The following TDRD12 variants were observed in gnomAD, a reference collection of about 807,000 sequenced individuals.
TDRD12 encodes tudor domain containing 12, also known as putative ATP-dependent RNA helicase TDRD12.
TDRD12 carries 158 observed loss-of-function variants against 133.5 expected under a neutral mutation model. That is an observed-to-expected ratio of 1.18 (90% CI 1.04 to 1.35). The LOEUF (loss-of-function observed/expected upper bound fraction) is 1.35, where lower values mean the gene tolerates loss of function less well. Ranked by LOEUF, TDRD12 falls within the 40% of genes most tolerant of loss-of-function variation. The probability of loss-of-function intolerance (pLI) is 0.00; values close to 1 mark genes in which losing one functional copy is unlikely to be tolerated. For missense variants in TDRD12, 1,443 were observed against 1,321.3 expected (o/e 1.09, Z -1.43); for synonymous variants, 460 against 477.9 (o/e 0.96, Z 0.49).
chr19:32,796,499 C>T (rs1307297851), intron 14 of TDRD12, among the ~76,000 whole-genome samples: 1 of 151,790 alleles, frequency 6.6e-6, no homozygotes, highest in Non-Finnish European at 1.5e-5. Flanking sequence ...GCAGGAGAAT[C>T]GCTTGAACCT....
rs541161793 is a variant in TDRD12 at position 32,787,028 on chromosome 19, C to A, written c.1122-3503C>A. Among the ~76,000 whole-genome samples the A allele has an allele frequency of 2.1e-3, 315 of 152,280 alleles. 2 individuals are homozygous for A. The highest frequency in any genetic ancestry group is 7.3e-3 in the African/African-American group (305 of 41,540). On this transcript the variant is annotated intron_variant, in intron 11 of 27. Coordinates refer to ENST00000444215, the Ensembl canonical transcript of TDRD12. Reference sequence around the variant, plus strand: ...ACGTTCTGGTTTTTGGAATTTTCAGCCTTTTTGCTCTGGTTTCTCCCCATC... The same window carrying A: ...ACGTTCTGGTTTTTGGAATTTTCAGACTTTTTGCTCTGGTTTCTCCCCATC...
At chr19:32,782,326 A>G (rs1259502037) in intron 11 of TDRD12, among the ~76,000 whole-genome samples, 3 of 152,186 alleles carry the variant, frequency 2.0e-5, no homozygotes, top group Non-Finnish European at 4.4e-5. Flanking sequence ...ATAGTATTCC[A>G]TGGTGTATAT....
At position 32,794,565 on chromosome 19, in the gene TDRD12, G is replaced by A. The variant is rs563204734; in HGVS notation, c.1288-63G>A. The A allele has an allele frequency of 7.4e-6, 5 of 678,658 alleles. No homozygotes were observed. In the South Asian group the frequency reaches 7.9e-5, roughly 11 times the overall value. The allele number at this position is 678,658 out of a possible 1,614,324, so 42.0% of individuals were successfully genotyped here. A position where few individuals can be genotyped will look rare whatever the true frequency, so the allele number is the denominator to read the frequency against. On this transcript the variant is annotated intron_variant, in intron 13 of 27. Coordinates refer to ENST00000444215, the Ensembl canonical transcript of TDRD12. ...TGCTTTTTGGGGTGAAATGAGCCAT[G>A]CAATGGAGTTTTTGTTAGTTTTCTC...
intron 27 of TDRD12, among the ~76,000 whole-genome samples, chr19:32,820,258 C>T (rs1463314079): frequency 5.9e-5 from 9 of 152,142 alleles, no homozygotes; most frequent in Non-Finnish European, 1.0e-4. Flanking sequence ...GCACACCCCT[C>T]CTCCTCGTGT....
chr19:32,798,331 T>C (rs181375965), exon 16 of TDRD12: 116 of 1,535,564 alleles, frequency 7.6e-5, no homozygotes, highest in Admixed American at 2.0e-4. Flanking sequence ...TACGACCCCA[T>C]ACAGCCTGCT....
chr19:32,790,440 T>G, intron 11 of TDRD12, 91 bp from the exon 12 acceptor site: 1 of 1,293,602 alleles, frequency 7.7e-7, no homozygotes, highest in South Asian at 1.3e-5. Flanking sequence ...GTGCAGCCCC[T>G]GCTATCTCTG....
At chr19:32,781,234 G>A (rs959886536) in intron 11 of TDRD12, among the ~76,000 whole-genome samples, 7 of 152,212 alleles carry the variant, frequency 4.6e-5, no homozygotes, top group Non-Finnish European at 7.4e-5. Flanking sequence ...GAGCCACCGC[G>A]CTCGGCCATT....
At chr19:32,805,169 T>TATATATAA (rs1467165287) in intron 21 of TDRD12, among the ~76,000 whole-genome samples, 1 of 127,406 alleles carries the variant, frequency 7.8e-6, no homozygotes, top group Non-Finnish European at 1.6e-5. Flanking sequence ...ATGTTATATA[T>TATATATAA]TATATATATA....
At chr19:32,739,188 A>G (rs1237112357) in intron 3 of TDRD12, among the ~76,000 whole-genome samples, 196 bp downstream of exon 3, 1 of 152,154 alleles carries the variant, frequency 6.6e-6, no homozygotes, top group Non-Finnish European at 1.5e-5. Flanking sequence ...GGTGGGCAGG[A>G]TGAAGGCTGA....
In TDRD12 at chr19:32,756,135, A is replaced by AC; in HGVS notation, c.727dup (p.Leu243ProfsTer38). On this transcript the variant is annotated frameshift_variant, in exon 7 of 28. Transcript: ENST00000444215. LOFTEE classifies it high-confidence loss of function. ...TCAATAAACTCAATCCAGCACTTAC[A>AC]CTCTGGCCAATGTTTTTGCAAGGAA... 1 of 1,447,828 alleles carries AC rather than the reference A, an allele frequency of 6.9e-7. No individual in the cohort carries two copies. Among genetic ancestry groups the AC allele is most frequent in the South Asian group, 1.5e-5 (1 of 67,640 alleles). 89.7% of individuals were successfully genotyped at this position (1,447,828 alleles called of 1,614,324 possible).
rs112185043 is a variant in TDRD12 at position 32,737,657 on chromosome 19, G to A, written c.184-1199G>A. On this transcript the variant is annotated intron_variant, in intron 2 of 27. Coordinates refer to ENST00000444215, the Ensembl canonical transcript of TDRD12. ...CGATCCTCCCACCTCAGCCTCCTAA[G>A]TAGGTGAGACTACAGGCACGTACCA... Among the ~76,000 whole-genome samples the A allele has an allele frequency of 4.7e-4, 71 of 152,196 alleles. 1 individual carries two copies. Among genetic ancestry groups the A allele is most frequent in the African/African-American group, 1.7e-3 (71 of 41,514 alleles).
At chr19:32,756,850 G>A (rs990798090) in intron 7 of TDRD12, among the ~76,000 whole-genome samples, 188 bp from the exon 8 acceptor site, 3 of 152,152 alleles carry the variant, frequency 2.0e-5, no homozygotes, top group Non-Finnish European at 2.9e-5. Context: ...GCTAGTCACG[G>A]ATTGTGGAAA....
downstream of TDRD12, among the ~76,000 whole-genome samples, chr19:32,825,171 G>A (rs1568502373): frequency 6.6e-6 from 1 of 152,216 alleles, no homozygotes; most frequent in African/African-American, 2.4e-5. The surrounding 1 kb of genome is among the most constrained non-coding windows in gnomAD (Gnocchi z 4.1). Flanking sequence ...GAGGCCACTC[G>A]ATGGCAGGCG....
intron 11 of TDRD12, among the ~76,000 whole-genome samples, chr19:32,781,700 T>C (rs1970771534): frequency 6.6e-6 from 1 of 151,960 alleles, no homozygotes; most frequent in South Asian, 2.1e-4. Flanking sequence ...TCTCTCTCTC[T>C]CTCTCTCTCT....
chr19:32,721,628 C>T lies in TDRD12; in HGVS notation c.24+1532C>T, dbSNP rs547047884. On this transcript the variant is annotated intron_variant, in intron 1 of 27. Coordinates refer to ENST00000444215, the Ensembl canonical transcript of TDRD12. ...CTCCTGACCTCAGGTGATCCACCTGCCTCCGCCTCCCAAAGTGCTGGGATT... is the reference window on the plus strand; with the variant it reads ...CTCCTGACCTCAGGTGATCCACCTGTCTCCGCCTCCCAAAGTGCTGGGATT... 2.6e-5 allele frequency among the ~76,000 whole-genome samples: 4 copies of T among 152,214 alleles called. No homozygotes were observed. The South Asian group carries it at 8.3e-4, about 32-fold the overall frequency.
At position 32,727,700 on chromosome 19, in the gene TDRD12, ACT is replaced by A. The variant is rs1315212337; in HGVS notation, c.25-4022_25-4021del. 1.1e-4 allele frequency among the ~76,000 whole-genome samples: 16 copies of A among 151,944 alleles called. No homozygotes were observed. The East Asian group carries it at 3.1e-3, about 29-fold the overall frequency. On this transcript the variant is annotated intron_variant, in intron 1 of 27. Transcript: ENST00000444215. ...TATTTTCTTTTTGAGACAGAGTCTC[ACT>A]CTGTTACCCAGGCCGGAGTGCAGTG...
chr19:32,818,992 G>C (rs948256740), intron 27 of TDRD12, among the ~76,000 whole-genome samples: 9 of 152,076 alleles, frequency 5.9e-5, no homozygotes, highest in African/African-American at 1.9e-4. Flanking sequence ...GTGACCTTGA[G>C]AGATTCCTAA....
intron 8 of TDRD12, among the ~76,000 whole-genome samples, chr19:32,765,740 G>A (rs888857784): frequency 3.3e-5 from 5 of 151,788 alleles, no homozygotes; most frequent in Non-Finnish European, 5.9e-5. Flanking sequence ...GGCCTGTTGT[G>A]GGGTGGGGGT....
chr19:32,738,805 T>C, intron 2 of TDRD12, 51 bp from the exon 3 acceptor site: 1 of 1,536,316 alleles, frequency 6.5e-7, no homozygotes, highest in African/African-American at 1.4e-5. Flanking sequence ...GGAGTAACAC[T>C]CTGTCTCAAA....
Sources: allele counts gnomAD v4.1 joint callset (sites outside exome capture counted in the v4.1 genomes callset), GRCh38; gene constraint gnomAD v4.1.1; non-coding constraint Gnocchi (gnomAD v3.1); transcripts MANE v1.5; gene names NCBI Gene and HGNC (gene_info 2026-07-23, HGNC 2026-07-21).